TTF1: variants seen among roughly 807,000 people sequenced by gnomAD.
TTF1 encodes the protein transcription termination factor, RNA polymerase I.
In TTF1, 64 loss-of-function variants were observed where a neutral mutation model predicts 80.2. That is an observed-to-expected ratio of 0.80 (90% CI 0.65 to 0.98). The LOEUF (loss-of-function observed/expected upper bound fraction) is 0.98. Ranked by LOEUF, TTF1 falls within the 50% of genes least tolerant of loss-of-function variation. The probability of loss-of-function intolerance (pLI) is 0.00; values close to 1 mark genes in which losing one functional copy is unlikely to be tolerated. For synonymous variants in TTF1, 372 were observed against 382.7 expected (o/e 0.97, Z 0.33); for missense variants, 1,023 against 1,086.2 (o/e 0.94, Z 0.82).
At chr9:132,382,629 A>G (rs1318284729) in intron 9 of TTF1, among the ~76,000 whole-genome samples, 1 of 152,148 alleles carries the variant, frequency 6.6e-6, no homozygotes, top group Non-Finnish European at 1.5e-5. Context: ...CGATCTTCAT[A>G]GATTAAAAGA....
chr9:132,377,415 T>A (rs1849219654), intron 10 of TTF1, among the ~76,000 whole-genome samples: 1 of 92,470 alleles, frequency 1.1e-5, no homozygotes, highest in Non-Finnish European at 2.1e-5. Flanking sequence ...GTGGTGTGTG[T>A]GAGTGCATGC....
At position 132,378,077 on chromosome 9, in the gene TTF1, G is replaced by A. The variant is rs1283130811; in HGVS notation, c.2464+982C>T. ...TGTGGTGTGTGAGTGCATGTGGTGT[G>A]TGTGAGTGCATGTGGTGTGAGTGCA... On this transcript the variant is annotated intron_variant, in intron 10 of 10. Transcript: ENST00000334270. 2.1e-4 allele frequency among the ~76,000 whole-genome samples: 28 copies of A among 134,424 alleles called. 1 individual carries two copies. Among genetic ancestry groups the A allele is most frequent in the African/African-American group, 7.5e-4 (26 of 34,796 alleles). The allele number at this position is 134,424 out of a possible 152,430, so 88.2% of individuals were successfully genotyped here. A position where few individuals can be genotyped will look rare whatever the true frequency, so the allele number is the denominator to read the frequency against.
chr9:132,401,219 A>G (rs552359), intron 2 of TTF1, among the ~76,000 whole-genome samples: 115,656 of 151,970 alleles, frequency 0.76, 45,151 homozygotes, highest in Non-Finnish European at 0.86. Context: ...TCAGCTACTC[A>G]GGAGGCTGAG....
At chr9:132,388,967 G>T (rs1849515791) in intron 7 of TTF1, among the ~76,000 whole-genome samples, 1 of 152,138 alleles carries the variant, frequency 6.6e-6, no homozygotes, top group Non-Finnish European at 1.5e-5. Flanking sequence ...ACGTTTACAG[G>T]GTTGAAATGT....
chr9:132,389,959 T>C (rs1849532093), intron 7 of TTF1, among the ~76,000 whole-genome samples: 1 of 152,208 alleles, frequency 6.6e-6, no homozygotes, highest in Non-Finnish European at 1.5e-5. Flanking sequence ...GTTAGTTTTC[T>C]ATCTTTTTTC....
At chr9:132,394,766 G>A (rs914428672) in intron 5 of TTF1, among the ~76,000 whole-genome samples, 17 of 152,006 alleles carry the variant, frequency 1.1e-4, no homozygotes, top group South Asian at 6.2e-4. Flanking sequence ...GGTGGCACAC[G>A]CCTGCAGTCC....
chr9:132,389,732 G>A (rs1259018113), intron 7 of TTF1, among the ~76,000 whole-genome samples: 1 of 152,158 alleles, frequency 6.6e-6, no homozygotes, highest in African/African-American at 2.4e-5. Context: ...TGAGGAGTTC[G>A]CTGCAGCTGG....
chr9:132,404,460 G>T (rs945166294), intron 1 of TTF1, among the ~76,000 whole-genome samples: 2 of 152,050 alleles, frequency 1.3e-5, no homozygotes, highest in Non-Finnish European at 2.9e-5. Flanking sequence ...TTATAGGAAG[G>T]AAAATGTGTG....
Position 132,386,546 on chromosome 9 carries a change from A to G in TTF1, c.2378+10T>C. The G allele has an allele frequency of 6.3e-7, 1 of 1,597,902 alleles. No individual in the cohort carries two copies. ...TTTTAATTAGTTTAATATTAAACAA[A>G]TGGTCTTACCCTATGGCACTAGCAA... On this transcript the variant is annotated intron_variant, in intron 9 of 10. Coordinates refer to ENST00000334270, the MANE Select transcript of TTF1 (RefSeq NM_007344.4).
intron 10 of TTF1, among the ~76,000 whole-genome samples, chr9:132,378,272 GGTGT>G (rs1216346866): frequency 1.6e-5 from 2 of 125,060 alleles, no homozygotes; most frequent in African/African-American, 6.3e-5. Flanking sequence ...GAGTGCATGT[GGTGT>G]GTGAATGCAT....
chr9:132,401,160 T>C (rs1272505506), intron 2 of TTF1, among the ~76,000 whole-genome samples: 1 of 151,974 alleles, frequency 6.6e-6, no homozygotes, highest in African/African-American at 2.4e-5. Context: ...ACAAACGTCG[T>C]CTCTACTAAA....
chr9:132,378,715 GGTGT>G lies in TTF1; in HGVS notation c.2464+340_2464+343del, dbSNP rs898693460. 2.8e-3 allele frequency among the ~76,000 whole-genome samples: 418 copies of G among 150,054 alleles called. 4 individuals are homozygous for G. Among genetic ancestry groups the G allele is most frequent in the African/African-American group, 9.4e-3 (373 of 39,860 alleles). On this transcript the variant is annotated intron_variant, in intron 10 of 10. Transcript: ENST00000334270. ...GAGTGCATGTGGTGTGAGTGCATGT[GGTGT>G]GTGTGAGTGCTTGCATGTGGTGTGG...
chr9:132,382,007 T>C (rs542225368), intron 9 of TTF1, among the ~76,000 whole-genome samples: 1 of 152,288 alleles, frequency 6.6e-6, no homozygotes, highest in South Asian at 2.1e-4. Flanking sequence ...TCAACATCCC[T>C]GCATCTGAAA....
At chr9:132,378,834 G>T (rs946593507) in intron 10 of TTF1, among the ~76,000 whole-genome samples, 1 of 151,956 alleles carries the variant, frequency 6.6e-6, no homozygotes, top group African/African-American at 2.4e-5. Context: ...TTACAGAGTG[G>T]TCGCTAAGTG....
At chr9:132,403,565 A>C (rs1849808516) in intron 1 of TTF1, among the ~76,000 whole-genome samples, 1 of 152,128 alleles carries the variant, frequency 6.6e-6, no homozygotes, top group Non-Finnish European at 1.5e-5. Context: ...TTCTTCAAAA[A>C]GTTTTCCCTG....
At chr9:132,378,078 TGTGAGTGCATGTG>T in intron 10 of TTF1, among the ~76,000 whole-genome samples, 1 of 123,248 alleles carries the variant, frequency 8.1e-6, no homozygotes, top group Non-Finnish European at 1.7e-5. Flanking sequence ...ATGTGGTGTG[TGTGAGTGCATGTG>T]GTGTGAGTGC....
rs1849735038 is a variant in TTF1 at position 132,400,191 on chromosome 9, C to A, written c.1435G>T (p.Ala479Ser). The A allele has an allele frequency of 6.8e-6, 11 of 1,614,210 alleles. No homozygotes were observed. The highest frequency in any genetic ancestry group is 8.5e-6 in the Non-Finnish European group (10 of 1,180,040). Residue 479 changes from alanine to serine, a missense_variant, in exon 3 of 11, where the codon GCA becomes TCA. Coordinates refer to ENST00000334270, the MANE Select transcript of TTF1 (RefSeq NM_007344.4). ...AEDSEIRYLS[A>S]DSGDADDSDA... ...GAATCATCGGCATCTCCTGAATCTG[C>A]AGATAAGTATCTTATTTCGGAATCT... is the stretch of plus-strand genomic sequence containing the variant.
At chr9:132,387,475 C>A (rs1296954679) in intron 8 of TTF1, among the ~76,000 whole-genome samples, 1 of 152,046 alleles carries the variant, frequency 6.6e-6, no homozygotes, top group Non-Finnish European at 1.5e-5. Flanking sequence ...ATAACCACCC[C>A]CCGATCCACC....
intron 7 of TTF1, among the ~76,000 whole-genome samples, 171 bp from the exon 8 acceptor site, chr9:132,388,399 C>T (rs542923025): frequency 1.3e-4 from 19 of 151,846 alleles, no homozygotes; most frequent in African/African-American, 3.9e-4. Context: ...TGCAGTGTCA[C>T]GGTCTCAGCT....
Sources: gnomAD v4.1 joint callset for allele counts (sites outside exome capture counted in the v4.1 genomes callset) on GRCh38, gnomAD v4.1.1 for gene constraint, MANE v1.5 for transcripts, NCBI Gene and HGNC (gene_info 2026-07-23, HGNC 2026-07-21) for gene names.